CTNNBL1: variants seen among roughly 807,000 people sequenced by gnomAD.
The protein encoded by CTNNBL1 is beta-catenin-like protein 1.
A neutral mutation model predicts 72.7 loss-of-function variants in CTNNBL1; 31 were observed. That is an observed-to-expected ratio of 0.43 (90% confidence interval 0.32 to 0.58). The LOEUF (loss-of-function observed/expected upper bound fraction) is 0.58, where lower values mean the gene tolerates loss of function less well. Ranked by LOEUF, CTNNBL1 falls within the 20% of genes least tolerant of loss-of-function variation. CTNNBL1 has a pLI of 0.08. For missense variants in CTNNBL1, 534 were observed against 725.1 expected (o/e 0.74, Z 3.03); for synonymous variants, 240 against 267.3 (o/e 0.90, Z 1.00).
At chr20:37,839,319 G>A (rs2072281614) in intron 11 of CTNNBL1, among the ~76,000 whole-genome samples, 2 of 152,200 alleles carry the variant, frequency 1.3e-5, no homozygotes, top group Non-Finnish European at 2.9e-5. Context: ...TTCACACTGT[G>A]AGCATTTTAT....
At chr20:37,709,155 A>C (rs1325818142) in intron 1 of CTNNBL1, among the ~76,000 whole-genome samples, 2 of 152,152 alleles carry the variant, frequency 1.3e-5, no homozygotes, top group African/African-American at 4.8e-5. Context: ...ACAAAAAAAA[A>C]GAGGGAGTTG....
Position 37,867,497 on chromosome 20 carries a change from A to G in CTNNBL1, c.1604-4428A>G, listed in dbSNP as rs537889770. On this transcript the variant is annotated intron_variant, in intron 15 of 15. Transcript: ENST00000361383. ...CTGTCTAAAGTTTGCTTTAATATTT[A>G]TGCGTTCAGCACTGCTGCCTGTTTC... Among the ~76,000 whole-genome samples, 242 of 152,218 alleles carry G rather than the reference A, an allele frequency of 1.6e-3. 2 individuals are homozygous for G. The highest frequency in any genetic ancestry group is 2.8e-3 in the Non-Finnish European group (189 of 68,016).
intron 11 of CTNNBL1, among the ~76,000 whole-genome samples, chr20:37,837,106 C>G (rs1053661494): frequency 1.3e-5 from 2 of 152,152 alleles, no homozygotes; most frequent in Non-Finnish European, 2.9e-5. Context: ...GTCCCTCATT[C>G]TTTCTGCCCC....
chr20:37,713,229 C>T (rs895210347), intron 1 of CTNNBL1, among the ~76,000 whole-genome samples: 2 of 152,164 alleles, frequency 1.3e-5, no homozygotes, highest in African/African-American at 4.8e-5. Context: ...TGACTTGTGC[C>T]AGTGGTTGCG....
chr20:37,757,924 A>C (rs1199136425), intron 5 of CTNNBL1, among the ~76,000 whole-genome samples: 1 of 152,178 alleles, frequency 6.6e-6, no homozygotes, highest in Non-Finnish European at 1.5e-5. Flanking sequence ...ATCCTCTCAC[A>C]TGGGCATTAT....
At chr20:37,738,029 G>A (rs939743115) in intron 3 of CTNNBL1, among the ~76,000 whole-genome samples, 1 of 152,196 alleles carries the variant, frequency 6.6e-6, no homozygotes, top group African/African-American at 2.4e-5. Context: ...CCAAATTCCT[G>A]GCTGCCAGCC....
At chr20:37,842,450 A>G (rs1372042738) in intron 13 of CTNNBL1, 31 bp downstream of exon 13, 1 of 1,524,386 alleles carries the variant, frequency 6.6e-7, no homozygotes, top group Non-Finnish European at 9.1e-7. Context: ...TTTGCCAGCT[A>G]TTGACTTGCC....
intron 11 of CTNNBL1, among the ~76,000 whole-genome samples, chr20:37,822,337 C>T (rs1278334394): frequency 6.6e-6 from 1 of 152,116 alleles, no homozygotes; most frequent in Non-Finnish European, 1.5e-5. Context: ...GCAGCCATGC[C>T]CAGCATCTGC....
chr20:37,759,105 C>G (rs1397932205), intron 5 of CTNNBL1, among the ~76,000 whole-genome samples: 1 of 152,194 alleles, frequency 6.6e-6, no homozygotes, highest in East Asian at 1.9e-4. Context: ...ATGAAAATTT[C>G]TATGGCCATT....
At chr20:37,742,107 G>A (rs2073221616) in intron 3 of CTNNBL1, among the ~76,000 whole-genome samples, 3 of 152,062 alleles carry the variant, frequency 2.0e-5, no homozygotes, top group South Asian at 2.1e-4. Flanking sequence ...GAATGAGAAA[G>A]CATTTCAACA....
intron 10 of CTNNBL1, among the ~76,000 whole-genome samples, chr20:37,785,646 G>A (rs964196556): frequency 6.6e-6 from 1 of 151,992 alleles, no homozygotes; most frequent in Non-Finnish European, 1.5e-5. Context: ...CGTTCCTTCT[G>A]TGTTATCTCA....
At chr20:37,712,002 T>A (rs1280259948) in intron 1 of CTNNBL1, among the ~76,000 whole-genome samples, 2 of 152,172 alleles carry the variant, frequency 1.3e-5, no homozygotes, top group Non-Finnish European at 2.9e-5. Flanking sequence ...AAAAGATGGC[T>A]TCATCTACAG....
intron 13 of CTNNBL1, among the ~76,000 whole-genome samples, chr20:37,844,828 A>T (rs938607694): frequency 5.9e-5 from 9 of 152,114 alleles, no homozygotes; most frequent in Non-Finnish European, 1.0e-4. Context: ...CACGCGTGTA[A>T]TCCCAGTTAC....
chr20:37,712,473 A>G (rs898229210), intron 1 of CTNNBL1, among the ~76,000 whole-genome samples: 47 of 152,212 alleles, frequency 3.1e-4, no homozygotes, highest in Non-Finnish European at 4.0e-4. Context: ...GTTTTACATT[A>G]CAGTGGGTAA....
intron 8 of CTNNBL1, 87 bp downstream of exon 8, chr20:37,777,504 C>A: frequency 6.9e-7 from 1 of 1,441,886 alleles, no homozygotes; most frequent in Non-Finnish European, 9.8e-7. Context: ...TTGCCTTTGG[C>A]ATCCCCTTGC....
At chr20:37,817,484 T>G (rs1458011811) in intron 11 of CTNNBL1, among the ~76,000 whole-genome samples, 1 of 152,228 alleles carries the variant, frequency 6.6e-6, no homozygotes, top group Admixed American at 6.5e-5. Context: ...TGGCATGAGT[T>G]TCAGTAGCAG....
chr20:37,719,589 C>G (rs2073022356), intron 1 of CTNNBL1, among the ~76,000 whole-genome samples: 1 of 152,178 alleles, frequency 6.6e-6, no homozygotes, highest in Non-Finnish European at 1.5e-5. Context: ...CTGTAAAGCT[C>G]AATGAGGACA....
chr20:37,871,889 TG>T, intron 15 of CTNNBL1, 35 bp from the exon 16 acceptor site: 1 of 1,575,994 alleles, frequency 6.3e-7, no homozygotes, highest in Non-Finnish European at 8.7e-7. Flanking sequence ...ATGCCATGCC[TG>T]GGATCCACTC....
At chr20:37,850,152 C>G (rs935383105) in intron 13 of CTNNBL1, among the ~76,000 whole-genome samples, 1 of 151,864 alleles carries the variant, frequency 6.6e-6, no homozygotes, top group Non-Finnish European at 1.5e-5. Context: ...TACTGATTCT[C>G]TCAAGACCAG....
Sources: allele counts gnomAD v4.1 joint callset (sites outside exome capture counted in the v4.1 genomes callset), GRCh38; gene constraint gnomAD v4.1.1; transcripts MANE v1.5; gene names NCBI Gene and HGNC (gene_info 2026-07-23, HGNC 2026-07-21).